Variants in PTPRA observed in about 807,000 individuals in gnomAD.
PTPRA encodes the protein receptor-type tyrosine-protein phosphatase alpha.
PTPRA carries 25 observed loss-of-function variants against 104.8 expected under a neutral mutation model. The ratio of observed to expected loss-of-function variants is 0.24; its 90% CI spans 0.17 to 0.33. The LOEUF (loss-of-function observed/expected upper bound fraction) is 0.33. PTPRA is among the 10% of genes least tolerant of loss of function. The pLI is 1.00. For missense variants in PTPRA, 765 were observed against 1,015.3 expected (o/e 0.75, Z 3.35); for synonymous variants, 323 against 368.9 (o/e 0.88, Z 1.43).
At chr20:2,955,737 C>A in intron 3 of PTPRA, 1 of 895,506 alleles carries the variant, frequency 1.1e-6, no homozygotes, top group Non-Finnish European at 1.3e-6. Context: ...CCCACCTACT[C>A]CTGCCTACTG....
intron 20 of PTPRA, among the ~76,000 whole-genome samples, chr20:3,032,731 A>G: frequency 6.6e-6 from 1 of 150,424 alleles, no homozygotes; most frequent in Non-Finnish European, 1.5e-5. Context: ...GCGCCACTGC[A>G]TTCCAGCCTG....
At chr20:2,985,758 A>G (rs2062873090) in intron 6 of PTPRA, among the ~76,000 whole-genome samples, 1 of 152,192 alleles carries the variant, frequency 6.6e-6, no homozygotes, top group Non-Finnish European at 1.5e-5. Flanking sequence ...CTGAGGATCT[A>G]ATAATGTCTC....
chr20:2,957,263 C>T (rs186846992), intron 3 of PTPRA, among the ~76,000 whole-genome samples: 45 of 152,136 alleles, frequency 3.0e-4, no homozygotes, highest in African/African-American at 1.0e-3. Flanking sequence ...CGAGCCTGGG[C>T]GACAGAGCGA....
chr20:2,988,197 T>A lies in PTPRA; in HGVS notation c.601+92T>A. Reference sequence around the variant, plus strand: ...CCATCCTTTTAAAAGAATAAGACAATAAAAAGAGGAAAAAAGATTTTTGAA... The same window carrying A: ...CCATCCTTTTAAAAGAATAAGACAAAAAAAAGAGGAAAAAAGATTTTTGAA... On this transcript the variant is annotated intron_variant, in intron 8 of 23. Transcript: ENST00000399903. The A allele has an allele frequency of 2.0e-6, 3 of 1,511,636 alleles. No homozygotes were observed. In the Admixed American group the frequency reaches 5.9e-5, roughly 30 times the overall value. The allele number at this position is 1,511,636 out of a possible 1,614,324, so 93.6% of individuals were successfully genotyped here.
At chr20:2,942,448 A>C (rs2060955404) in intron 2 of PTPRA, among the ~76,000 whole-genome samples, 1 of 152,058 alleles carries the variant, frequency 6.6e-6, no homozygotes, top group African/African-American at 2.4e-5. Context: ...TAAGCTTAAA[A>C]ATGTCTCTTT....
chr20:2,966,517 T>G (rs1401059098), intron 5 of PTPRA, among the ~76,000 whole-genome samples: 1 of 152,196 alleles, frequency 6.6e-6, no homozygotes, highest in Admixed American at 6.5e-5. Context: ...GAAGGTACCT[T>G]TAATGCAGAT....
At chr20:2,941,452 G>T (rs1256689651) in intron 2 of PTPRA, among the ~76,000 whole-genome samples, 1 of 152,200 alleles carries the variant, frequency 6.6e-6, no homozygotes, top group African/African-American at 2.4e-5. Context: ...ACCCTGTGCA[G>T]TTTACTTCCT....
intron 1 of PTPRA, among the ~76,000 whole-genome samples, chr20:2,913,510 A>G (rs2059795119): frequency 6.6e-6 from 1 of 152,230 alleles, no homozygotes; most frequent in Non-Finnish European, 1.5e-5. Flanking sequence ...CATTGCATTT[A>G]GTTGTCATGT....
At chr20:3,014,629 G>C (rs530409596) in intron 11 of PTPRA, among the ~76,000 whole-genome samples, 6 of 151,824 alleles carry the variant, frequency 4.0e-5, no homozygotes, top group African/African-American at 1.5e-4. Flanking sequence ...GGGTGACAGA[G>C]CAAGACTCCG....
At chr20:2,864,984 G>A in the PTPRA span, 2 of 1,614,154 alleles carry the variant, frequency 1.2e-6, no homozygotes, top group Non-Finnish European at 1.7e-6. This position sits in a 1 kb window ranked among gnomAD's most constrained non-coding sequence, Gnocchi z 5.2. Context: ...ATAGCGTATT[G>A]AGGGGCGAGT....
At chr20:2,937,518 CAAACATAATCTTTA>C (rs1194560268) in intron 2 of PTPRA, among the ~76,000 whole-genome samples, 1 of 152,116 alleles carries the variant, frequency 6.6e-6, no homozygotes, top group African/African-American at 2.4e-5. Flanking sequence ...TTTCAACCAT[CAAACATAATCTTTA>C]AAACTCAAGA....
At chr20:2,900,718 G>A (rs1053933017) in intron 1 of PTPRA, among the ~76,000 whole-genome samples, 9 of 151,650 alleles carry the variant, frequency 5.9e-5, no homozygotes, top group Admixed American at 4.6e-4. Flanking sequence ...TTAGCTGGGC[G>A]TGGTGGCAGG....
chr20:2,915,458 GA>G (rs1408531167), intron 1 of PTPRA, among the ~76,000 whole-genome samples: 1 of 145,512 alleles, frequency 6.9e-6, no homozygotes, highest in Non-Finnish European at 1.5e-5. Flanking sequence ...AAATTGGGGG[GA>G]AGTTGTCTTT....
At chr20:2,991,343 C>T (rs1022876583) in intron 9 of PTPRA, among the ~76,000 whole-genome samples, 14 of 147,840 alleles carry the variant, frequency 9.5e-5, no homozygotes, top group African/African-American at 3.0e-4. Flanking sequence ...CCAGCCTGGG[C>T]GACAAGAGTG....
intron 5 of PTPRA, among the ~76,000 whole-genome samples, chr20:2,971,109 CAGTAAAATG>C (rs1191343073): frequency 6.6e-6 from 1 of 152,062 alleles, no homozygotes; most frequent in African/African-American, 2.4e-5. Flanking sequence ...ATTTAATATC[CAGTAAAATG>C]AGTCATTCCT....
At chr20:2,904,598 G>A (rs1201523994) in intron 1 of PTPRA, among the ~76,000 whole-genome samples, 1 of 148,268 alleles carries the variant, frequency 6.7e-6, no homozygotes, top group Non-Finnish European at 1.5e-5. Context: ...GAACCCAGGA[G>A]GCAGAGTTGC....
At chr20:2,878,362 G>T (rs1378039815) in intron 1 of PTPRA, among the ~76,000 whole-genome samples, 1 of 152,060 alleles carries the variant, frequency 6.6e-6, no homozygotes, top group Non-Finnish European at 1.5e-5. Flanking sequence ...GCACAGGTCT[G>T]TGCCACCACG....
At chr20:2,978,502 A>G (rs2062537427) in intron 6 of PTPRA, among the ~76,000 whole-genome samples, 1 of 152,212 alleles carries the variant, frequency 6.6e-6, no homozygotes, top group South Asian at 2.1e-4. Context: ...ACTAGTTTGT[A>G]GTTGACCAGT....
At chr20:2,906,127 A>G (rs931138378) in intron 1 of PTPRA, among the ~76,000 whole-genome samples, 3 of 152,266 alleles carry the variant, frequency 2.0e-5, no homozygotes, top group African/African-American at 7.2e-5. Flanking sequence ...TGTAATGAAT[A>G]TGCAAGAGAG....
Sources: allele counts gnomAD v4.1 joint callset (sites outside exome capture counted in the v4.1 genomes callset), GRCh38; gene constraint gnomAD v4.1.1; non-coding constraint Gnocchi (gnomAD v3.1); transcripts MANE v1.5; gene names NCBI Gene and HGNC (gene_info 2026-07-23, HGNC 2026-07-21).